CHST9: variants seen among roughly 807,000 people sequenced by gnomAD.
CHST9 encodes GalNAc-4-sulfotransferase 2.
Under a neutral mutation model 44.4 loss-of-function variants are expected in CHST9, and 41 were observed. The ratio of observed to expected loss-of-function variants is 0.92; its 90% CI spans 0.72 to 1.20. The LOEUF (loss-of-function observed/expected upper bound fraction) is 1.20. Ranked by LOEUF, CHST9 falls within the 50% of genes most tolerant of loss-of-function variation. The pLI, the probability that CHST9 is intolerant of heterozygous loss-of-function variation, is 0.00. For missense variants in CHST9, 504 were observed against 516.5 expected (o/e 0.98, Z 0.23); for synonymous variants, 171 against 178.4 (o/e 0.96, Z 0.33).
chr18:27,139,385 A>AT (rs2058545434), intron 2 of CHST9, among the ~76,000 whole-genome samples: 1 of 152,012 alleles, frequency 6.6e-6, no homozygotes, highest in Admixed American at 6.6e-5. Flanking sequence ...CAGATTTTCC[A>AT]TTTTTTTAAA....
chr18:27,066,180 TA>T (rs2057780411), intron 2 of CHST9, among the ~76,000 whole-genome samples: 1 of 152,238 alleles, frequency 6.6e-6, no homozygotes, highest in African/African-American at 2.4e-5. Context: ...GCAACGCAGC[TA>T]TTACTTATTT....
intron 4 of CHST9, among the ~76,000 whole-genome samples, chr18:26,968,155 C>T (rs7236637): frequency 0.29 from 44,666 of 152,040 alleles, 7,730 homozygotes; most frequent in African/African-American, 0.48. Flanking sequence ...TTCTAATAAA[C>T]TTTCCTTCGT....
At chr18:27,004,154 T>C (rs2056985224) in intron 4 of CHST9, among the ~76,000 whole-genome samples, 1 of 150,972 alleles carries the variant, frequency 6.6e-6, no homozygotes, top group South Asian at 2.1e-4. Flanking sequence ...CCAGGCATAA[T>C]GGGAGGAAGA....
intron 4 of CHST9, among the ~76,000 whole-genome samples, chr18:26,958,585 C>CAGA (rs768082011): frequency 7.2e-5 from 11 of 152,146 alleles, no homozygotes; most frequent in Non-Finnish European, 1.0e-4. Flanking sequence ...ACTGTGCATT[C>CAGA]AAAAGGGTTA....
At chr18:26,958,423 G>T (rs2056355709) in intron 4 of CHST9, among the ~76,000 whole-genome samples, 1 of 149,534 alleles carries the variant, frequency 6.7e-6, no homozygotes, top group Non-Finnish European at 1.5e-5. Flanking sequence ...TCAGCTCTGG[G>T]AAGGAATTAA....
At chr18:26,927,658 G>C (rs544804714) in intron 5 of CHST9, among the ~76,000 whole-genome samples, 2 of 152,232 alleles carry the variant, frequency 1.3e-5, no homozygotes, top group South Asian at 4.1e-4. Flanking sequence ...GTCCTAAGGT[G>C]GTTTTCTCCT....
chr18:27,023,016 C>A (rs1349328905), intron 4 of CHST9, among the ~76,000 whole-genome samples: 1 of 152,086 alleles, frequency 6.6e-6, no homozygotes, highest in Non-Finnish European at 1.5e-5. Context: ...GTTACTATTC[C>A]AATTTTTCAA....
intron 2 of CHST9, among the ~76,000 whole-genome samples, chr18:27,083,162 C>G (rs1568165021): frequency 6.6e-6 from 1 of 152,134 alleles, no homozygotes. Context: ...AATACGCACA[C>G]TCATCAACTC....
chr18:27,022,482 T>C (rs1225959723), intron 4 of CHST9, among the ~76,000 whole-genome samples: 2 of 152,206 alleles, frequency 1.3e-5, no homozygotes, highest in Non-Finnish European at 2.9e-5. Context: ...TTTCTTTCTC[T>C]AAACTCCAAT....
chr18:26,935,011 C>T (rs1399321762), intron 5 of CHST9: 1 of 152,220 alleles, frequency 6.6e-6, no homozygotes, highest in African/African-American at 2.4e-5. Context: ...TCTTTCACAT[C>T]CTGCATAGCA....
chr18:27,051,302 C>T (rs1213744684), intron 2 of CHST9, among the ~76,000 whole-genome samples: 2 of 146,192 alleles, frequency 1.4e-5, no homozygotes, highest in African/African-American at 2.4e-5. Flanking sequence ...TGTCACCTCC[C>T]TAATTAGTTG....
chr18:27,054,515 G>C (rs528432478), intron 2 of CHST9, among the ~76,000 whole-genome samples: 1 of 151,990 alleles, frequency 6.6e-6, no homozygotes, highest in Non-Finnish European at 1.5e-5. Context: ...CTAAAGTTCC[G>C]CATCTCATGA....
chr18:27,025,853 A>T (rs1344178623), intron 3 of CHST9, among the ~76,000 whole-genome samples: 1 of 152,186 alleles, frequency 6.6e-6, no homozygotes, highest in Non-Finnish European at 1.5e-5. Flanking sequence ...GACTAGAACA[A>T]AATCTTCCTC....
At chr18:26,974,096 G>A (rs559232305) in intron 4 of CHST9, among the ~76,000 whole-genome samples, 44 of 152,288 alleles carry the variant, frequency 2.9e-4, no homozygotes, top group South Asian at 4.1e-4. Flanking sequence ...ATTCATGGCA[G>A]CCTCACACAA....
At chr18:27,028,649 G>C (rs774372508) in intron 3 of CHST9, among the ~76,000 whole-genome samples, 1 of 151,942 alleles carries the variant, frequency 6.6e-6, no homozygotes, top group Non-Finnish European at 1.5e-5. Flanking sequence ...CCGGGTTCAC[G>C]CCGTTCTCCT....
chr18:27,087,973 C>T (rs1036262398), intron 2 of CHST9, among the ~76,000 whole-genome samples: 2 of 152,218 alleles, frequency 1.3e-5, no homozygotes, highest in African/African-American at 2.4e-5. Flanking sequence ...CAATTTCTCC[C>T]ACTTGATGAC....
intron 4 of CHST9, among the ~76,000 whole-genome samples, chr18:26,976,204 T>C (rs2056622275): frequency 6.6e-6 from 1 of 152,048 alleles, no homozygotes; most frequent in African/African-American, 2.4e-5. Flanking sequence ...ACAAATGGAA[T>C]CATTCCAGAA....
At chr18:27,058,398 T>G (rs917253811) in intron 2 of CHST9, among the ~76,000 whole-genome samples, 3 of 152,178 alleles carry the variant, frequency 2.0e-5, no homozygotes, top group Non-Finnish European at 4.4e-5. Context: ...TGATAACACA[T>G]TAAGAGTTAG....
chr18:27,048,709 C>T (rs1012203677), intron 2 of CHST9, among the ~76,000 whole-genome samples: 2 of 152,160 alleles, frequency 1.3e-5, no homozygotes, highest in Non-Finnish European at 2.9e-5. Context: ...AATAACTATG[C>T]ATTAAATGTG....
Sources: gnomAD v4.1 joint callset for allele counts (sites outside exome capture counted in the v4.1 genomes callset) on GRCh38, gnomAD v4.1.1 for gene constraint, MANE v1.5 for transcripts, NCBI Gene and HGNC (gene_info 2026-07-23, HGNC 2026-07-21) for gene names.